RNF216: variants seen among roughly 807,000 people sequenced by gnomAD.
The protein encoded by RNF216 is E3 ubiquitin-protein ligase RNF216.
RNF216 carries 72 observed loss-of-function variants against 110.8 expected under a neutral mutation model. The ratio of observed to expected loss-of-function variants is 0.65; its 90% CI spans 0.54 to 0.79. RNF216 has a LOEUF of 0.79. Ranked by LOEUF, RNF216 falls within the 30% of genes least tolerant of loss-of-function variation. The pLI is 0.00. For synonymous variants in RNF216, 495 were observed against 407.5 expected (o/e 1.21, Z -2.59); for missense variants, 1,342 against 1,141.2 (o/e 1.18, Z -2.54).
At chr7:5,659,302 A>C (rs1023256172) in intron 13 of RNF216, among the ~76,000 whole-genome samples, 1 of 152,194 alleles carries the variant, frequency 6.6e-6, no homozygotes, top group Admixed American at 6.5e-5. Context: ...TTTACGTTTT[A>C]CTGAAAAACA....
intron 13 of RNF216, among the ~76,000 whole-genome samples, chr7:5,693,032 CT>C (rs1791427995): frequency 6.6e-6 from 1 of 152,192 alleles, no homozygotes; most frequent in Non-Finnish European, 1.5e-5. Context: ...CTACGTCTTG[CT>C]TTTTTCACTT....
At chr7:5,741,938 A>G (rs1303901478) in intron 3 of RNF216, 123 bp from the exon 4 acceptor site, 6 of 938,376 alleles carry the variant, frequency 6.4e-6, no homozygotes, top group Non-Finnish European at 7.8e-6. Flanking sequence ...CCTTAACAAT[A>G]CCTATTCTTT....
At chr7:5,686,793 G>C (rs750743019) in intron 13 of RNF216, among the ~76,000 whole-genome samples, 1 of 152,220 alleles carries the variant, frequency 6.6e-6, no homozygotes, top group Non-Finnish European at 1.5e-5. Context: ...TCCACGGACA[G>C]GGCGTGGAGA....
intron 14 of RNF216, among the ~76,000 whole-genome samples, chr7:5,649,213 A>G (rs1788232935): frequency 6.6e-6 from 1 of 152,004 alleles, no homozygotes; most frequent in African/African-American, 2.4e-5. Flanking sequence ...CCGACAAAGT[A>G]AAACCCCATC....
intron 7 of RNF216, among the ~76,000 whole-genome samples, chr7:5,726,506 C>T (rs959645159): frequency 6.6e-6 from 1 of 152,140 alleles, no homozygotes; most frequent in Non-Finnish European, 1.5e-5. Context: ...GGTGAGGATC[C>T]CTTTTCTTTC....
chr7:5,752,768 C>G (rs543098712), intron 3 of RNF216, 78 bp downstream of exon 3: 1 of 1,477,938 alleles, frequency 6.8e-7, no homozygotes, highest in African/African-American at 1.4e-5. Flanking sequence ...TGTTCTACAA[C>G]AAGGCCCACA....
intron 13 of RNF216, among the ~76,000 whole-genome samples, chr7:5,665,384 T>C (rs1347244778): frequency 6.6e-6 from 1 of 152,210 alleles, no homozygotes; most frequent in African/African-American, 2.4e-5. Flanking sequence ...TGTTCTTAAA[T>C]ATTTTTTGTT....
intron 1 of RNF216, among the ~76,000 whole-genome samples, chr7:5,781,209 G>A (rs1212208622): frequency 6.6e-6 from 1 of 152,142 alleles, no homozygotes; most frequent in East Asian, 1.9e-4. Flanking sequence ...TCGGGCCCGG[G>A]GGAGGGAAGC....
chr7:5,678,722 A>C (rs964455126), intron 13 of RNF216, among the ~76,000 whole-genome samples: 1 of 152,188 alleles, frequency 6.6e-6, no homozygotes, highest in African/African-American at 2.4e-5. Flanking sequence ...CTTCCAGGAA[A>C]CCCTGCACTG....
chr7:5,765,113 C>T (rs1036434270), intron 1 of RNF216, among the ~76,000 whole-genome samples: 12 of 149,664 alleles, frequency 8.0e-5, no homozygotes, highest in African/African-American at 2.9e-4. Flanking sequence ...AATTTTTACA[C>T]ATTCAAAGAC....
chr7:5,712,491 T>G (rs1034578660), intron 12 of RNF216, among the ~76,000 whole-genome samples: 1 of 151,126 alleles, frequency 6.6e-6, no homozygotes, highest in African/African-American at 2.4e-5. Flanking sequence ...AAAAAGAAGT[T>G]TGAGGGGCAG....
At chr7:5,647,968 T>C (rs779849959) in intron 14 of RNF216, among the ~76,000 whole-genome samples, 3 of 152,174 alleles carry the variant, frequency 2.0e-5, no homozygotes, top group Non-Finnish European at 4.4e-5. Flanking sequence ...ATGACATTCA[T>C]TTGCTTAGAA....
At chr7:5,688,725 C>CT (rs1193023417) in intron 13 of RNF216, among the ~76,000 whole-genome samples, 4 of 151,944 alleles carry the variant, frequency 2.6e-5, no homozygotes, top group African/African-American at 9.7e-5. Flanking sequence ...TCAGGCTTGT[C>CT]TTATTTTTTT....
At chr7:5,670,799 T>C (rs931023490) in intron 13 of RNF216, among the ~76,000 whole-genome samples, 1 of 152,222 alleles carries the variant, frequency 6.6e-6, no homozygotes, top group Non-Finnish European at 1.5e-5. Flanking sequence ...AAATTCTCAG[T>C]TCCAGTTATG....
Position 5,774,164 on chromosome 7 carries a change from A to T in RNF216, c.-70+7377T>A, listed in dbSNP as rs562241035. 4.8e-4 allele frequency among the ~76,000 whole-genome samples: 61 copies of T among 127,416 alleles called. No individual in the cohort carries two copies. The East Asian group carries it at 0.013, about 27-fold the overall frequency. The allele number at this position is 127,416 out of a possible 152,430, so 83.6% of individuals were successfully genotyped here. A position where few individuals can be genotyped will look rare whatever the true frequency, so the allele number is the denominator to read the frequency against. On this transcript the variant is annotated intron_variant, in intron 1 of 16. Coordinates refer to ENST00000389902, the MANE Select transcript of RNF216 (RefSeq NM_207111.4). ...AGTCTTTTAATCTGGGCTTCGGATA[A>T]TACTGCCTATGTTTAAATCTTGGTT...
At chr7:5,686,956 A>G (rs1316754803) in intron 13 of RNF216, among the ~76,000 whole-genome samples, 1 of 152,202 alleles carries the variant, frequency 6.6e-6, no homozygotes, top group Non-Finnish European at 1.5e-5. Context: ...TCACTGGCCC[A>G]GTGCTCACCT....
chr7:5,760,873 G>A lies in RNF216; in HGVS notation c.67+130C>T, dbSNP rs563982019. 9 of 708,044 alleles carry A rather than the reference G, an allele frequency of 1.3e-5. No homozygotes were observed. The East Asian group carries it at 2.5e-4, about 20-fold the overall frequency. The allele number at this position is 708,044 out of a possible 1,614,324, so 43.9% of individuals were successfully genotyped here. On this transcript the variant is annotated intron_variant, in intron 2 of 16. Transcript: ENST00000389902. ...ATCTGATATAATTCTAGTCTAACTAGTCTTTTTGTCAAAAACGAAATGTCC... is the reference window on the plus strand; with the variant it reads ...ATCTGATATAATTCTAGTCTAACTAATCTTTTTGTCAAAAACGAAATGTCC...
chr7:5,771,545 C>T (rs918881403), intron 1 of RNF216, among the ~76,000 whole-genome samples: 3 of 152,136 alleles, frequency 2.0e-5, no homozygotes, highest in African/African-American at 7.2e-5. Flanking sequence ...GCCTGTAATC[C>T]CTGCACTTTG....
At chr7:5,732,039 C>G (rs1040154805) in intron 5 of RNF216, among the ~76,000 whole-genome samples, 6 of 152,194 alleles carry the variant, frequency 3.9e-5, no homozygotes, top group African/African-American at 1.4e-4. Context: ...AAGCTCCCCG[C>G]TTCCCTACCA....
Sources: gnomAD v4.1 joint callset for allele counts (sites outside exome capture counted in the v4.1 genomes callset) on GRCh38, gnomAD v4.1.1 for gene constraint, MANE v1.5 for transcripts, NCBI Gene and HGNC (gene_info 2026-07-23, HGNC 2026-07-21) for gene names.